MYOM1: variants seen among roughly 807,000 people sequenced by gnomAD.
MYOM1 encodes the protein myomesin 1.
MYOM1 carries 164 observed loss-of-function variants against 205.3 expected under a neutral mutation model. That is an observed-to-expected ratio of 0.80 (90% CI 0.70 to 0.91). The LOEUF is 0.91. MYOM1 is among the 40% of genes least tolerant of loss of function. The pLI, the probability that MYOM1 is intolerant of heterozygous loss-of-function variation, is 0.00. For synonymous variants in MYOM1, 772 were observed against 789.4 expected (o/e 0.98, Z 0.37); for missense variants, 2,011 against 2,127.3 (o/e 0.95, Z 1.08).
chr18:3,132,456 T>C (rs1289536934), intron 16 of MYOM1, among the ~76,000 whole-genome samples: 2 of 152,136 alleles, frequency 1.3e-5, no homozygotes, highest in African/African-American at 4.8e-5. Context: ...AGCCAACTCA[T>C]ATATATTTTT....
chr18:3,203,576 T>G (rs1003101204), intron 2 of MYOM1, among the ~76,000 whole-genome samples: 1 of 151,856 alleles, frequency 6.6e-6, no homozygotes, highest in African/African-American at 2.4e-5. Flanking sequence ...TAAGGCTAAC[T>G]TGAGAAAAAA....
At chr18:3,170,918 C>G (rs1402922462) in intron 8 of MYOM1, among the ~76,000 whole-genome samples, 1 of 152,204 alleles carries the variant, frequency 6.6e-6, no homozygotes, top group Non-Finnish European at 1.5e-5. Flanking sequence ...TTTTGTCCCT[C>G]TTCCTAAGAC....
At chr18:3,098,316 C>T (rs1196555355) in intron 25 of MYOM1, among the ~76,000 whole-genome samples, 2 of 151,936 alleles carry the variant, frequency 1.3e-5, no homozygotes, top group East Asian at 1.9e-4. Flanking sequence ...CTTGCTCTGT[C>T]ACCCAGGCTG....
At chr18:3,178,049 A>G (rs536519075) in intron 5 of MYOM1, among the ~76,000 whole-genome samples, 20 of 152,252 alleles carry the variant, frequency 1.3e-4, no homozygotes, top group Non-Finnish European at 2.5e-4. Flanking sequence ...TCATGTTCTC[A>G]GTAGCCAGTG....
At chr18:3,218,907 C>T (rs899655213) in intron 1 of MYOM1, among the ~76,000 whole-genome samples, 1 of 152,156 alleles carries the variant, frequency 6.6e-6, no homozygotes, top group African/African-American at 2.4e-5. Context: ...TACTATTCCT[C>T]TCACATAGAT....
intron 11 of MYOM1, among the ~76,000 whole-genome samples, chr18:3,153,278 C>G (rs1000609896): frequency 1.3e-5 from 2 of 152,188 alleles, no homozygotes; most frequent in African/African-American, 4.8e-5. Context: ...TCTAGTTCTG[C>G]TACTTATTAC....
At chr18:3,131,276 A>AGTT in intron 17 of MYOM1, 99 bp downstream of exon 17, 1 of 1,343,288 alleles carries the variant, frequency 7.4e-7, no homozygotes, top group Non-Finnish European at 1.0e-6. Flanking sequence ...ATCATCCAGC[A>AGTT]ATATTGGAAG....
chr18:3,140,241 T>C (rs1186056195), intron 14 of MYOM1, among the ~76,000 whole-genome samples: 1 of 152,134 alleles, frequency 6.6e-6, no homozygotes, highest in African/African-American at 2.4e-5. Flanking sequence ...ACCCTGTCTC[T>C]ACTAAAAATA....
chr18:3,204,352 T>C (rs996365340), intron 2 of MYOM1, among the ~76,000 whole-genome samples: 10 of 151,938 alleles, frequency 6.6e-5, no homozygotes, highest in African/African-American at 1.9e-4. Context: ...ACAAAAATTG[T>C]TGGTACTAAT....
At chr18:3,191,947 CAG>C (rs1567960521) in intron 3 of MYOM1, among the ~76,000 whole-genome samples, 5 of 152,050 alleles carry the variant, frequency 3.3e-5, no homozygotes, top group African/African-American at 1.2e-4. Flanking sequence ...CTGCCCGCCT[CAG>C]CCTCCCAAAG....
At chr18:3,128,301 A>T (rs2079824262) in intron 18 of MYOM1, among the ~76,000 whole-genome samples, 1 of 152,152 alleles carries the variant, frequency 6.6e-6, no homozygotes, top group Admixed American at 6.5e-5. Context: ...AGGTGTCATA[A>T]AACAGAGGAG....
chr18:3,240,643 G>A, the MYOM1 span, among the ~76,000 whole-genome samples: 1 of 152,178 alleles, frequency 6.6e-6, no homozygotes, highest in Non-Finnish European at 1.5e-5. Flanking sequence ...ATAGCAAATT[G>A]GTACCAGTAG....
chr18:3,213,547 T>C (rs2081217082), intron 2 of MYOM1, among the ~76,000 whole-genome samples: 1 of 152,222 alleles, frequency 6.6e-6, no homozygotes, highest in Non-Finnish European at 1.5e-5. Context: ...AAAGTAAATA[T>C]CTGCCCAACA....
At chr18:3,194,921 A>AAAG (rs58665422) in intron 2 of MYOM1, among the ~76,000 whole-genome samples, 1 of 151,106 alleles carries the variant, frequency 6.6e-6, no homozygotes, top group African/African-American at 2.4e-5. Context: ...AAAAAAAAAA[A>AAAG]GTTAATGTAT....
intron 12 of MYOM1, 43 bp downstream of exon 12, chr18:3,151,651 T>C (rs758842235): frequency 2.0e-5 from 30 of 1,532,712 alleles, no homozygotes; most frequent in Non-Finnish European, 2.4e-5. Context: ...GCAGTCATTT[T>C]AAAAAGGTTT....
intron 17 of MYOM1, 83 bp from the exon 18 acceptor site, chr18:3,129,602 A>G: frequency 7.1e-7 from 1 of 1,417,448 alleles, no homozygotes; most frequent in Non-Finnish European, 9.5e-7. Context: ...AAAGAGAAAA[A>G]CATTAGGACC....
Position 3,219,805 on chromosome 18 carries a change from G to T in MYOM1, c.-31C>A, listed in dbSNP as rs1357273266. On this transcript the variant is annotated splice_region_variant and 5_prime_UTR_variant, in exon 1 of 38. In the 5' UTR this introduces an upstream ATG that the reference lacks. Coordinates refer to ENST00000356443, the MANE Select transcript of MYOM1 (RefSeq NM_003803.4). This position sits in a 1 kb window ranked among gnomAD's most constrained non-coding sequence, Gnocchi z 4.4. ...TTCTGCCTCAGTGTCACACTTACCAGTTTCCAAAGGAGTAATGGTGGTGGA... is the reference window on the plus strand; with the variant it reads ...TTCTGCCTCAGTGTCACACTTACCATTTTCCAAAGGAGTAATGGTGGTGGA... 6.6e-6 allele frequency: 1 copy of T among 152,272 alleles called. No homozygotes were observed. The highest frequency in any genetic ancestry group is 1.9e-4 in the East Asian group (1 of 5,206). The allele number at this position is 152,272 out of a possible 1,614,324, so 9.4% of individuals were successfully genotyped here.
chr18:3,200,269 G>A (rs768866506), intron 2 of MYOM1, among the ~76,000 whole-genome samples: 3 of 152,170 alleles, frequency 2.0e-5, no homozygotes, highest in Non-Finnish European at 2.9e-5. Context: ...ATTCAGAATT[G>A]TAACAATATA....
In MYOM1 at chr18:3,164,540, G is replaced by A. The variant is rs2080441947; in HGVS notation, c.1340-101C>T. 4 of 1,124,052 alleles carry A rather than the reference G, an allele frequency of 3.6e-6. 1 individual carries two copies. In the South Asian group the frequency reaches 4.7e-5, roughly 13 times the overall value. The allele number at this position is 1,124,052 out of a possible 1,614,324, so 69.6% of individuals were successfully genotyped here. ...CTCCTTAGCCTTTTCTATAATGAAA[G>A]TAATTTAACTACTAGAGGAAGTCTC... On this transcript the variant is annotated intron_variant, in intron 9 of 37. Coordinates refer to ENST00000356443, the MANE Select transcript of MYOM1 (RefSeq NM_003803.4).
Sources: gnomAD v4.1 joint callset for allele counts (sites outside exome capture counted in the v4.1 genomes callset) on GRCh38, gnomAD v4.1.1 for gene constraint, Gnocchi (gnomAD v3.1) non-coding constraint, MANE v1.5 for transcripts, NCBI Gene and HGNC (gene_info 2026-07-23, HGNC 2026-07-21) for gene names.